SLC12A3: variants seen among roughly 807,000 people sequenced by gnomAD.
SLC12A3 encodes Na-Cl cotransporter.
In SLC12A3, 104 loss-of-function variants were observed where a neutral mutation model predicts 121.0. The observed-to-expected ratio is 0.86, with a 90% CI of 0.73 to 1.01. The LOEUF (loss-of-function observed/expected upper bound fraction) is 1.01, where lower values mean the gene tolerates loss of function less well. SLC12A3 is among the 50% of genes least tolerant of loss of function. The pLI is 0.00. For synonymous variants in SLC12A3, 536 were observed against 533.4 expected, an observed-to-expected ratio of 1.00 and a Z score of -0.07; for missense variants, 1,328 against 1,356.3, an observed-to-expected ratio of 0.98 and a Z score of 0.33.
chr16:56,892,161 G>C (rs377138251), intron 20 of SLC12A3, 28 bp downstream of exon 20: 1 of 1,611,710 alleles, frequency 6.2e-7, no homozygotes. Flanking sequence ...TCTGGCGCTT[G>C]TCAGTGTTCC....
chr16:56,904,487 G>A, intron 25 of SLC12A3, 25 bp downstream of exon 25: 1 of 1,608,192 alleles, frequency 6.2e-7, no homozygotes, highest in Non-Finnish European at 8.5e-7. Flanking sequence ...GCTGGTGGGA[G>A]GACCAGTCTG....
intron 22 of SLC12A3, among the ~76,000 whole-genome samples, chr16:56,897,952 C>T (rs1357929033): frequency 6.6e-6 from 1 of 152,238 alleles, no homozygotes; most frequent in Non-Finnish European, 1.5e-5. Context: ...CCAGCAACGG[C>T]TTGCCTGCTG....
intron 15 of SLC12A3, among the ~76,000 whole-genome samples, chr16:56,885,610 T>G (rs2055300427): frequency 6.6e-6 from 1 of 152,094 alleles, no homozygotes; most frequent in South Asian, 2.1e-4. Context: ...GGAAACGTGC[T>G]TTGGTGTTGA....
chr16:56,899,915 G>T (rs372952324), intron 23 of SLC12A3, among the ~76,000 whole-genome samples: 6 of 152,336 alleles, frequency 3.9e-5, no homozygotes, highest in African/African-American at 1.4e-4. Context: ...CTCCTTCCAC[G>T]CAAGGGCAAG....
chr16:56,898,371 G>T (rs944223189), intron 22 of SLC12A3, among the ~76,000 whole-genome samples: 56 of 152,206 alleles, frequency 3.7e-4, no homozygotes, highest in African/African-American at 1.3e-3. Context: ...CCATTCTCCT[G>T]CCTCAGCCTC....
intron 14 of SLC12A3, 84 bp downstream of exon 14, chr16:56,884,288 GC>G: frequency 1.4e-6 from 2 of 1,439,008 alleles, no homozygotes; most frequent in East Asian, 2.3e-5. Flanking sequence ...CAGTTGGAGG[GC>G]CCTGAGTCCG....
In SLC12A3 at chr16:56,877,691, C is replaced by T. The variant is rs552612965; in HGVS notation, c.1096-386C>T. On this transcript the variant is annotated intron_variant, in intron 8 of 25. Coordinates refer to ENST00000563236, the MANE Select transcript of SLC12A3 (RefSeq NM_001126108.2). ...CCAGCTGGCCGCCTGGAAGTGAACCCGGGCAGGCCGACTCCAGAGCCCACC... is the reference window on the plus strand; with the variant it reads ...CCAGCTGGCCGCCTGGAAGTGAACCTGGGCAGGCCGACTCCAGAGCCCACC... Among the ~76,000 whole-genome samples, 7 of 152,328 alleles carry T rather than the reference C, an allele frequency of 4.6e-5. No homozygotes were observed. In the South Asian group the frequency reaches 1.2e-3, roughly 27 times the overall value.
rs757491324 is a variant in SLC12A3 at position 56,867,174 on chromosome 16, C to A, written c.387C>A (p.Asn129Lys). The change falls in exon 2 of 26, where the codon AAC becomes AAA. Residue 129 changes from asparagine (N) to lysine (K), a missense_variant. Coordinates refer to ENST00000563236, the MANE Select transcript of SLC12A3 (RefSeq NM_001126108.2). Reference protein sequence around the residue: ...EGEAGTSSEKNPEEPVRFGWV... With the variant: ...EGEAGTSSEKKPEEPVRFGWV... Reference sequence around the variant, plus strand: ...AGGCAGGCACCAGCAGCGAGAAGAACCCCGAGGAGCCAGTGCGCTTCGGCT... The same window carrying A: ...AGGCAGGCACCAGCAGCGAGAAGAAACCCGAGGAGCCAGTGCGCTTCGGCT... The A allele has an allele frequency of 3.1e-6, 5 of 1,613,740 alleles. No homozygotes were observed. Among genetic ancestry groups the A allele is most frequent in the African/African-American group, 1.3e-5 (1 of 74,998 alleles).
chr16:56,908,449 A>G (rs1390389593), intron 25 of SLC12A3, among the ~76,000 whole-genome samples: 1 of 152,054 alleles, frequency 6.6e-6, no homozygotes, highest in African/African-American at 2.4e-5. Context: ...CCAGCTGCAG[A>G]TAGTGATATA....
chr16:56,903,481 C>T (rs944047911), intron 24 of SLC12A3, among the ~76,000 whole-genome samples: 1 of 152,110 alleles, frequency 6.6e-6, no homozygotes, highest in Non-Finnish European at 1.5e-5. Context: ...TGTCACAACT[C>T]GGGGGTGGGG....
At position 56,913,357 on chromosome 16, in the gene SLC12A3, C is replaced by T; in HGVS notation, c.3018C>T (p.Ile1006=). ...TLSQDLRPPV[I]LIRGNQENVL... is the part of the protein sequence containing the mutation. ...CCCAGGACCTCAGACCTCCAGTCAT[C>T]CTGATCCGAGGAAACCAGGAAAACG... is the stretch of plus-strand genomic sequence containing the variant. Residue 1006 remains isoleucine, a synonymous_variant, in exon 26 of 26, where the codon ATC becomes ATT. Transcript: ENST00000563236. The T allele has an allele frequency of 1.2e-6, 2 of 1,614,210 alleles. No individual in the cohort carries two copies. The highest frequency in any genetic ancestry group is 1.7e-6 in the Non-Finnish European group (2 of 1,180,032).
chr16:56,890,383 G>C (rs933680438), intron 19 of SLC12A3, 27 bp downstream of exon 19: 3 of 1,591,622 alleles, frequency 1.9e-6, no homozygotes, highest in Non-Finnish European at 2.6e-6. Flanking sequence ...CCCACTCCCA[G>C]AAAGTTCTAG....
chr16:56,902,209 G>A, intron 23 of SLC12A3, 164 bp from the exon 24 acceptor site: 2 of 842,336 alleles, frequency 2.4e-6, no homozygotes, highest in Non-Finnish European at 3.8e-6. Context: ...CCAGCCAGCA[G>A]AGCTGAATTC....
chr16:56,874,515 A>G (rs550160826), intron 8 of SLC12A3, among the ~76,000 whole-genome samples: 2 of 152,350 alleles, frequency 1.3e-5, no homozygotes, highest in South Asian at 4.1e-4. Flanking sequence ...AGAGCTGTGC[A>G]TTGAGCCAGG....
intron 6 of SLC12A3, among the ~76,000 whole-genome samples, chr16:56,871,852 A>G (rs2055101339): frequency 1.3e-5 from 2 of 152,108 alleles, no homozygotes; most frequent in Admixed American, 6.6e-5. Flanking sequence ...CCTCCCAAGT[A>G]GCTAGGATTA....
At chr16:56,888,836 G>A (rs2055353540) in intron 18 of SLC12A3, among the ~76,000 whole-genome samples, 1 of 152,130 alleles carries the variant, frequency 6.6e-6, no homozygotes, top group Non-Finnish European at 1.5e-5. Flanking sequence ...GGGATTACAG[G>A]CGTCAGCCAC....
Position 56,898,205 on chromosome 16 carries a change from G to T in SLC12A3, c.2634-1325G>T, listed in dbSNP as rs1200706779. Among the ~76,000 whole-genome samples the T allele has an allele frequency of 2.6e-5, 4 of 152,190 alleles. 1 individual carries two copies. The highest frequency in any genetic ancestry group is 9.6e-5 in the African/African-American group (4 of 41,452). On this transcript the variant is annotated intron_variant, in intron 22 of 25. Coordinates refer to ENST00000563236, the MANE Select transcript of SLC12A3 (RefSeq NM_001126108.2). ...GGTTCTGACTCAATGATGGGCAAGG[G>T]GTTGGGGGGAGGGCCCAGGCAGGTG...
At chr16:56,866,794 G>A (rs983467285) in intron 1 of SLC12A3, among the ~76,000 whole-genome samples, 1 of 152,134 alleles carries the variant, frequency 6.6e-6, no homozygotes, top group Non-Finnish European at 1.5e-5. Context: ...TCTTAGTAGA[G>A]ACAGGGTTTT....
At chr16:56,869,652 C>A (rs115164192) in intron 3 of SLC12A3, 77 bp from the exon 4 acceptor site, 1 of 1,116,670 alleles carries the variant, frequency 9.0e-7, no homozygotes, top group Non-Finnish European at 1.4e-6. Flanking sequence ...GAACGTAGGT[C>A]GCATGGTGAA....
Sources: gnomAD v4.1 joint callset for allele counts (sites outside exome capture counted in the v4.1 genomes callset) on GRCh38, gnomAD v4.1.1 for gene constraint, MANE v1.5 for transcripts, NCBI Gene and HGNC (gene_info 2026-07-23, HGNC 2026-07-21) for gene names.